The following ZCWPW2 variants were observed in gnomAD, a reference collection of about 807,000 sequenced individuals.
ZCWPW2 encodes zinc finger CW-type PWWP domain protein 2.
A neutral mutation model predicts 46.6 loss-of-function variants in ZCWPW2; 45 were observed. The observed-to-expected ratio is 0.96, with a 90% CI of 0.76 to 1.24. The LOEUF (loss-of-function observed/expected upper bound fraction) is 1.24, where lower values mean the gene tolerates loss of function less well. Among genes scored for constraint, ZCWPW2 ranks in the 50% most tolerant of loss-of-function variants. ZCWPW2 has a pLI of 0.00. For synonymous variants in ZCWPW2, 152 were observed against 137.1 expected (o/e 1.11, Z -0.76); for missense variants, 429 against 403.9 (o/e 1.06, Z -0.53).
rs186097320 is a variant in ZCWPW2 at position 28,369,664 on chromosome 3, A to G, written c.-134+20461A>G. On this transcript the variant is annotated intron_variant, in intron 1 of 9. Coordinates refer to ENST00000383768, the MANE Select transcript of ZCWPW2 (RefSeq NM_001040432.4). ...AGATCTCCAGCTGCGTGCTGGGGGA[A>G]CCACTACTCTCTTCAAAGCTGTCAG... Among the ~76,000 whole-genome samples the G allele has an allele frequency of 3.7e-3, 567 of 152,260 alleles. 9 individuals carry two copies. Among genetic ancestry groups the G allele is most frequent in the Admixed American group, 0.033 (499 of 15,304 alleles).
chr3:28,404,726 A>C (rs1232992967), intron 2 of ZCWPW2, among the ~76,000 whole-genome samples: 1 of 152,210 alleles, frequency 6.6e-6, no homozygotes, highest in East Asian at 1.9e-4. Context: ...AATGGCATTC[A>C]CAGTGACCTG....
At chr3:28,387,356 T>C (rs1353986363) in intron 1 of ZCWPW2, among the ~76,000 whole-genome samples, 1 of 152,144 alleles carries the variant, frequency 6.6e-6, no homozygotes, top group Admixed American at 6.5e-5. Context: ...TTTTAAAAAA[T>C]TATATATTTT....
chr3:28,420,457 C>T (rs141580357), intron 3 of ZCWPW2, among the ~76,000 whole-genome samples: 1 of 152,132 alleles, frequency 6.6e-6, no homozygotes, highest in South Asian at 2.1e-4. Flanking sequence ...TCCCTCCTCC[C>T]ACCTTCCACC....
chr3:28,521,205 T>C lies in ZCWPW2; in HGVS notation c.909+89T>C. On this transcript the variant is annotated intron_variant, in intron 9 of 9. Coordinates refer to ENST00000383768, the MANE Select transcript of ZCWPW2 (RefSeq NM_001040432.4). ...TTCCTAGTTGTACATTTTAAATATA[T>C]AAAAAACTCTTTTCATGTCTGAAAT... 2 of 1,387,762 alleles carry C rather than the reference T, an allele frequency of 1.4e-6. 1 individual carries two copies. The highest frequency in any genetic ancestry group is 2.9e-5 in the South Asian group (2 of 67,802). The allele number at this position is 1,387,762 out of a possible 1,614,324, so 86.0% of individuals were successfully genotyped here.
At chr3:28,473,029 A>G (rs983054981) in intron 4 of ZCWPW2, among the ~76,000 whole-genome samples, 2 of 152,206 alleles carry the variant, frequency 1.3e-5, no homozygotes, top group African/African-American at 2.4e-5. Context: ...CTACAATGAG[A>G]TATTATTTTA....
intron 4 of ZCWPW2, among the ~76,000 whole-genome samples, chr3:28,443,681 G>T (rs955403066): frequency 6.6e-6 from 1 of 152,150 alleles, no homozygotes; most frequent in African/African-American, 2.4e-5. Flanking sequence ...CTTGGCCTCT[G>T]CCACCTTGGG....
intron 1 of ZCWPW2, among the ~76,000 whole-genome samples, chr3:28,382,347 T>G (rs1225088433): frequency 1.3e-5 from 2 of 152,046 alleles, no homozygotes; most frequent in Admixed American, 6.6e-5. Context: ...CCTCACATAG[T>G]CTTTCCTCTG....
At chr3:28,388,441 A>G (rs1695361625) in intron 1 of ZCWPW2, among the ~76,000 whole-genome samples, 1 of 152,180 alleles carries the variant, frequency 6.6e-6, no homozygotes, top group Non-Finnish European at 1.5e-5. Context: ...TGTTGCATAC[A>G]ACTGAAAACA....
chr3:28,503,642 A>G (rs1460246649), intron 6 of ZCWPW2, among the ~76,000 whole-genome samples: 1 of 151,976 alleles, frequency 6.6e-6, no homozygotes, highest in Non-Finnish European at 1.5e-5. Context: ...TTACACTACT[A>G]TTCTGCTTGC....
At position 28,470,231 on chromosome 3, in the gene ZCWPW2, G is replaced by A. The variant is rs866234052; in HGVS notation, c.493-8583G>A. On this transcript the variant is annotated intron_variant, in intron 4 of 9. Coordinates refer to ENST00000383768, the MANE Select transcript of ZCWPW2 (RefSeq NM_001040432.4). ...AAATTTAGGCCGGGTGCAGTGGCTC[G>A]CGCCTGTAATCCCAGCACTTCGGAA... 2.6e-3 allele frequency among the ~76,000 whole-genome samples: 397 copies of A among 152,094 alleles called. 1 individual carries two copies. Among genetic ancestry groups the A allele is most frequent in the African/African-American group, 8.5e-3 (352 of 41,512 alleles).
chr3:28,361,434 T>G (rs1704940339), intron 1 of ZCWPW2, among the ~76,000 whole-genome samples: 2 of 152,080 alleles, frequency 1.3e-5, no homozygotes, highest in Non-Finnish European at 2.9e-5. Flanking sequence ...TATAAAACTC[T>G]AGAAGAAAAT....
At chr3:28,495,259 G>A (rs1384637464) in intron 6 of ZCWPW2, among the ~76,000 whole-genome samples, 1 of 152,032 alleles carries the variant, frequency 6.6e-6, no homozygotes, top group Non-Finnish European at 1.5e-5. Flanking sequence ...TTTGCAGAGA[G>A]GAATTCAATA....
chr3:28,404,055 A>G (rs1477795549), intron 2 of ZCWPW2, among the ~76,000 whole-genome samples: 1 of 152,190 alleles, frequency 6.6e-6, no homozygotes, highest in Non-Finnish European at 1.5e-5. Flanking sequence ...GGACTTAATT[A>G]AAGAGCTTTT....
chr3:28,520,163 C>T (rs1700685165), intron 8 of ZCWPW2, among the ~76,000 whole-genome samples: 1 of 151,888 alleles, frequency 6.6e-6, no homozygotes, highest in Non-Finnish European at 1.5e-5. Flanking sequence ...CACCACCACG[C>T]CAGGCTAATT....
chr3:28,463,059 T>G (rs1297216565), intron 4 of ZCWPW2, among the ~76,000 whole-genome samples: 1 of 152,238 alleles, frequency 6.6e-6, no homozygotes, highest in South Asian at 2.1e-4. Context: ...TCTAGCCGTA[T>G]GTTTAGTCTC....
At chr3:28,515,736 TGTGTGTGTGTATACAC>T in intron 8 of ZCWPW2, 115 bp downstream of exon 8, 5 of 805,516 alleles carry the variant, frequency 6.2e-6, no homozygotes, top group South Asian at 1.9e-5. Flanking sequence ...TGTGTGTGTG[TGTGTGTGTGTATACAC>T]ATATATACAT....
chr3:28,498,724 C>G (rs1039954748), intron 6 of ZCWPW2, among the ~76,000 whole-genome samples: 1 of 151,422 alleles, frequency 6.6e-6, no homozygotes, highest in Admixed American at 6.6e-5. Flanking sequence ...TAGGTATACA[C>G]GTGCCATGGT....
chr3:28,435,356 A>C (rs1229918378), intron 4 of ZCWPW2, 87 bp downstream of exon 4: 3 of 1,340,634 alleles, frequency 2.2e-6, no homozygotes, highest in Non-Finnish European at 3.0e-6. Flanking sequence ...AATATGTATA[A>C]GTTGCTTTTA....
At chr3:28,465,267 C>G (rs1698776821) in intron 4 of ZCWPW2, among the ~76,000 whole-genome samples, 2 of 152,104 alleles carry the variant, frequency 1.3e-5, no homozygotes, top group Admixed American at 1.3e-4. Context: ...GCATGATGTT[C>G]ATTCATCTTT....
Sources: allele counts gnomAD v4.1 joint callset (sites outside exome capture counted in the v4.1 genomes callset), GRCh38; gene constraint gnomAD v4.1.1; transcripts MANE v1.5; gene names NCBI Gene and HGNC (gene_info 2026-07-23, HGNC 2026-07-21).